TTC6: variants seen among roughly 807,000 people sequenced by gnomAD.
TTC6 encodes the protein tetratricopeptide repeat protein 6.
TTC6 carries 172 observed loss-of-function variants against 210.4 expected under a neutral mutation model. The observed-to-expected ratio is 0.82, with a 90% confidence interval of 0.72 to 0.93. The LOEUF is 0.93. Among genes scored for constraint, TTC6 ranks in the 40% least tolerant of loss-of-function variants. The probability of loss-of-function intolerance (pLI) is 0.00; values close to 1 mark genes in which losing one functional copy is unlikely to be tolerated. For synonymous variants in TTC6, 804 were observed against 819.6 expected, an observed-to-expected ratio of 0.98 and a Z score of 0.32; for missense variants, 2,414 against 2,318.1, an observed-to-expected ratio of 1.04 and a Z score of -0.85.
chr14:37,668,710 T>C lies in TTC6; in HGVS notation c.940-11441T>C, dbSNP rs80240576. 4.8e-3 allele frequency among the ~76,000 whole-genome samples: 738 copies of C among 152,248 alleles called. 4 individuals are homozygous for C. Among genetic ancestry groups the C allele is most frequent in the Admixed American group, 8.7e-3 (133 of 15,280 alleles). ...GATGGAAAAAATCTGCAAAGTCACA[T>C]GGCAAAAGGTGTGGACAGAGTGAGA... is the stretch of plus-strand genomic sequence containing the variant. On this transcript the variant is annotated intron_variant, in intron 1 of 30. Coordinates refer to ENST00000553443, the Ensembl canonical transcript of TTC6.
chr14:37,649,600 A>C (rs946660865), intron 1 of TTC6, among the ~76,000 whole-genome samples: 2 of 152,200 alleles, frequency 1.3e-5, no homozygotes, highest in Non-Finnish European at 2.9e-5. Flanking sequence ...CGAAAGCCGG[A>C]AAGAGGCTCT....
intron 1 of TTC6, among the ~76,000 whole-genome samples, chr14:37,675,551 A>T (rs184289216): frequency 6.6e-6 from 1 of 152,068 alleles, no homozygotes; most frequent in Admixed American, 6.6e-5. Flanking sequence ...ACAAATATCT[A>T]TTGAAATACC....
At chr14:37,658,675 A>G (rs1002402125) in intron 1 of TTC6, among the ~76,000 whole-genome samples, 1 of 152,176 alleles carries the variant, frequency 6.6e-6, no homozygotes, top group African/African-American at 2.4e-5. Flanking sequence ...CTTCTACACA[A>G]TCTATGCACA....
intron 1 of TTC6, among the ~76,000 whole-genome samples, chr14:37,672,774 A>G (rs1446836163): frequency 6.7e-6 from 1 of 150,342 alleles, no homozygotes; most frequent in South Asian, 2.1e-4. Flanking sequence ...ATTGCATTGC[A>G]TCTATTTTTG....
At chr14:37,697,699 T>C (rs1175993307) in intron 4 of TTC6, among the ~76,000 whole-genome samples, 2 of 152,224 alleles carry the variant, frequency 1.3e-5, no homozygotes, top group African/African-American at 2.4e-5. Context: ...TAAGTGACCC[T>C]GTACATACCA....
intron 1 of TTC6, among the ~76,000 whole-genome samples, chr14:37,606,232 G>A (rs115091007): frequency 1.5e-3 from 231 of 152,286 alleles, no homozygotes; most frequent in African/African-American, 5.2e-3. Context: ...TGGCAGTACA[G>A]GCAACTTTTG....
intron 10 of TTC6, among the ~76,000 whole-genome samples, chr14:37,747,274 C>T (rs115452719): frequency 0.019 from 2,930 of 152,200 alleles, 88 homozygotes; most frequent in African/African-American, 0.067. Flanking sequence ...CTGAGTCCAT[C>T]CCTGGTACTA....
rs1226392407 is a variant in TTC6, at chr14:37,769,446, T to C, written c.3266+16211T>C. Among the ~76,000 whole-genome samples, 77 of 152,210 alleles carry C rather than the reference T, an allele frequency of 5.1e-4. 2 individuals are homozygous for C. Among genetic ancestry groups the C allele is most frequent in the Admixed American group, 5.0e-3 (77 of 15,282 alleles). ...CCATCTGATCCTGGACTCTTTTTGG[T>C]TGGTAAGCTATTGATTATTGCCACA... On this transcript the variant is annotated intron_variant, in intron 14 of 30. Coordinates refer to ENST00000553443, the Ensembl canonical transcript of TTC6.
At chr14:37,836,596 C>T (rs912121130) in intron 29 of TTC6, among the ~76,000 whole-genome samples, 1 of 152,138 alleles carries the variant, frequency 6.6e-6, no homozygotes, top group South Asian at 2.1e-4. Flanking sequence ...GCATATATTT[C>T]ATCTAAAATA....
intron 6 of TTC6, among the ~76,000 whole-genome samples, chr14:37,723,302 C>A (rs1259942455): frequency 6.6e-6 from 1 of 152,102 alleles, no homozygotes; most frequent in Non-Finnish European, 1.5e-5. Context: ...AAGATCCAGG[C>A]AGTAGGTGTG....
chr14:37,686,804 C>G (rs1246920677), intron 3 of TTC6, among the ~76,000 whole-genome samples: 3 of 152,168 alleles, frequency 2.0e-5, no homozygotes, highest in African/African-American at 7.2e-5. Flanking sequence ...CACTTATCTC[C>G]CACTGGGTCT....
At chr14:37,646,982 G>T (rs1226878313) in intron 1 of TTC6, among the ~76,000 whole-genome samples, 1 of 152,070 alleles carries the variant, frequency 6.6e-6, no homozygotes, top group Non-Finnish European at 1.5e-5. Flanking sequence ...TGTTTTGTGG[G>T]ACTGCCCTGT....
chr14:37,763,893 C>T (rs921889893), intron 14 of TTC6, among the ~76,000 whole-genome samples: 5 of 151,700 alleles, frequency 3.3e-5, no homozygotes, highest in Non-Finnish European at 4.4e-5. Flanking sequence ...CAGAAAGTAA[C>T]GTTACTGGCT....
At chr14:37,668,734 G>A (rs2095752920) in intron 1 of TTC6, among the ~76,000 whole-genome samples, 1 of 152,184 alleles carries the variant, frequency 6.6e-6, no homozygotes, top group South Asian at 2.1e-4. Context: ...GACAGAGTGA[G>A]AGGTGAAAAA....
chr14:37,714,745 A>C (rs1160472806), exon 6 of TTC6: 8 of 1,535,682 alleles, frequency 5.2e-6, no homozygotes, highest in Non-Finnish European at 7.0e-6. Context: ...AATTGGCACA[A>C]GGAACTAGAG....
chr14:37,750,765 C>A (rs979929516), intron 12 of TTC6, among the ~76,000 whole-genome samples: 26 of 152,214 alleles, frequency 1.7e-4, no homozygotes, highest in African/African-American at 6.3e-4. Flanking sequence ...TGGCATGCAT[C>A]TGTAGTCCCA....
intron 26 of TTC6, among the ~76,000 whole-genome samples, chr14:37,820,614 A>G (rs1390742300): frequency 1.3e-5 from 2 of 152,154 alleles, no homozygotes; most frequent in Admixed American, 1.3e-4. Flanking sequence ...GGATGTCAAT[A>G]TTACTAGGGG....
intron 14 of TTC6, among the ~76,000 whole-genome samples, chr14:37,759,916 G>C (rs1017492352): frequency 1.3e-5 from 2 of 152,084 alleles, no homozygotes; most frequent in Non-Finnish European, 1.5e-5. Context: ...TGTTATCAAG[G>C]TGTTTAGCTT....
At chr14:37,740,483 T>TAA (rs5807968) in intron 10 of TTC6, among the ~76,000 whole-genome samples, 5 of 151,956 alleles carry the variant, frequency 3.3e-5, no homozygotes, top group East Asian at 1.9e-4. Context: ...GGTAAGAGAA[T>TAA]AAAAAAAATT....
Sources: gnomAD v4.1 joint callset for allele counts (sites outside exome capture counted in the v4.1 genomes callset) on GRCh38, gnomAD v4.1.1 for gene constraint, MANE v1.5 for transcripts, NCBI Gene and HGNC (gene_info 2026-07-23, HGNC 2026-07-21) for gene names.